The following SEC23A variants were observed in gnomAD, a reference collection of about 807,000 sequenced individuals.
The protein encoded by SEC23A is SEC23 homolog A, COPII component.
In SEC23A, 56 loss-of-function variants were observed where a neutral mutation model predicts 103.7. The observed-to-expected ratio is 0.54, with a 90% CI of 0.44 to 0.67. The LOEUF is 0.67. Ranked by LOEUF, SEC23A falls within the 30% of genes least tolerant of loss-of-function variation. The probability of loss-of-function intolerance (pLI) is 0.00; values close to 1 mark genes in which losing one functional copy is unlikely to be tolerated. For synonymous variants in SEC23A, 281 were observed against 293.0 expected (o/e 0.96, Z 0.42); for missense variants, 784 against 936.4 (o/e 0.84, Z 2.12).
chr14:39,092,342 C>G (rs1299260495), intron 4 of SEC23A, among the ~76,000 whole-genome samples, 199 bp downstream of exon 4: 2 of 152,154 alleles, frequency 1.3e-5, no homozygotes, highest in Non-Finnish European at 2.9e-5. Context: ...ACCACCCTAC[C>G]CAGTATCTTG....
chr14:39,061,911 C>T, intron 12 of SEC23A, 40 bp from the exon 13 acceptor site: 1 of 1,283,250 alleles, frequency 7.8e-7, no homozygotes, highest in Non-Finnish European at 1.1e-6. Context: ...GCAAAATTTA[C>T]TATGCTGTTG....
intron 11 of SEC23A, among the ~76,000 whole-genome samples, chr14:39,063,631 T>C (rs1223211991): frequency 1.3e-5 from 2 of 152,160 alleles, no homozygotes; most frequent in East Asian, 1.9e-4. Context: ...ATAATAAAAG[T>C]AAAATTTAAA....
At chr14:39,042,471 C>G (rs1385311356) in intron 17 of SEC23A, among the ~76,000 whole-genome samples, 1 of 152,192 alleles carries the variant, frequency 6.6e-6, no homozygotes, top group African/African-American at 2.4e-5. Context: ...CAAAGGCTGA[C>G]TTTTCCCCCC....
chr14:39,062,426 A>T (rs375607109), intron 12 of SEC23A, among the ~76,000 whole-genome samples: 4 of 152,144 alleles, frequency 2.6e-5, no homozygotes, highest in East Asian at 3.9e-4. Context: ...CAGATCTGAG[A>T]TGTTCAACTT....
At chr14:39,048,564 T>C (rs1885929629) in intron 15 of SEC23A, 88 bp downstream of exon 15, 3 of 833,556 alleles carry the variant, frequency 3.6e-6, no homozygotes, top group Non-Finnish European at 4.1e-6. Context: ...GGAGCCACTA[T>C]ACTTCAGCAT....
intron 8 of SEC23A, 126 bp downstream of exon 8, chr14:39,075,809 G>T: frequency 1.3e-6 from 1 of 769,470 alleles, no homozygotes; most frequent in Non-Finnish European, 2.2e-6. Context: ...CTCCAATTCT[G>T]AATACCAGTT....
chr14:39,067,354 A>G (rs1886705574), intron 9 of SEC23A, 58 bp from the exon 10 acceptor site: 1 of 1,594,574 alleles, frequency 6.3e-7, no homozygotes, highest in African/African-American at 1.3e-5. Context: ...TCCGTGTGTT[A>G]AAATCGTAGA....
intron 1 of SEC23A, among the ~76,000 whole-genome samples, chr14:39,099,164 T>G (rs1036455325): frequency 7.6e-5 from 11 of 144,254 alleles, no homozygotes; most frequent in South Asian, 2.3e-4. Context: ...GTTTTTTTTT[T>G]TTTTTTTTTT....
rs1336229477 is a variant in SEC23A, at chr14:39,074,299, T to C, written c.1103+116A>G. On this transcript the variant is annotated intron_variant, in intron 9 of 19. Coordinates refer to ENST00000307712, the MANE Select transcript of SEC23A (RefSeq NM_006364.4). ...ATATCAAAAACTACTAACAGATGTG[T>C]TGCCTTGAAGTAGTGGGAAGATGAC... 4.0e-6 allele frequency: 3 copies of C among 742,730 alleles called. No homozygotes were observed. In the African/African-American group the frequency reaches 5.2e-5, roughly 13 times the overall value. The allele number at this position is 742,730 out of a possible 1,614,324, so 46.0% of individuals were successfully genotyped here.
Position 39,040,708 on chromosome 14 carries a change from CACAA to C in SEC23A, c.2142+20_2142+23del. 3.1e-6 allele frequency: 5 copies of C among 1,614,110 alleles called. No individual in the cohort carries two copies. Among genetic ancestry groups the C allele is most frequent in the Non-Finnish European group, 1.7e-6 (2 of 1,179,982 alleles). On this transcript the variant is annotated intron_variant, in intron 18 of 19. Coordinates refer to ENST00000307712, the MANE Select transcript of SEC23A (RefSeq NM_006364.4). Reference sequence around the variant, plus strand: ...CTGCAAACCTAACAACAAACAAACACACAAACAAATTAACACTACTTACCTGGCT... The same window carrying C: ...CTGCAAACCTAACAACAAACAAACACACAAATTAACACTACTTACCTGGCT...
intron 2 of SEC23A, among the ~76,000 whole-genome samples, chr14:39,093,979 G>T (rs1887752697): frequency 1.3e-5 from 2 of 151,686 alleles, no homozygotes; most frequent in South Asian, 4.2e-4. Flanking sequence ...TTACATTCTA[G>T]AAAAAACAGA....
At chr14:39,040,510 C>A (rs904152864) in intron 18 of SEC23A, 19 of 586,362 alleles carry the variant, frequency 3.2e-5, no homozygotes, top group Admixed American at 2.0e-4. Flanking sequence ...AGGCTAGAGA[C>A]AGAAGATGAT....
At chr14:39,070,787 G>A (rs1298558208) in intron 9 of SEC23A, among the ~76,000 whole-genome samples, 1 of 152,176 alleles carries the variant, frequency 6.6e-6, no homozygotes, top group African/African-American at 2.4e-5. Flanking sequence ...AGCACTTTGG[G>A]AGGCCATGGC....
intron 15 of SEC23A, 95 bp from the exon 16 acceptor site, chr14:39,045,419 A>T: frequency 1.2e-6 from 1 of 804,152 alleles, no homozygotes; most frequent in South Asian, 1.8e-5. Flanking sequence ...ACTATTAACA[A>T]CATAACAAAA....
chr14:39,070,885 G>T (rs1566498608), intron 9 of SEC23A, among the ~76,000 whole-genome samples: 2 of 152,204 alleles, frequency 1.3e-5, no homozygotes, highest in Admixed American at 1.3e-4. Context: ...AAATTAGCTG[G>T]ACGTAGTGGC....
chr14:39,082,042 C>T (rs922512318), intron 7 of SEC23A, among the ~76,000 whole-genome samples: 6 of 152,054 alleles, frequency 3.9e-5, no homozygotes, highest in Non-Finnish European at 8.8e-5. Flanking sequence ...CCCTGAACAA[C>T]TTACTATACC....
chr14:39,042,833 T>C lies in SEC23A; in HGVS notation c.1939A>G (p.Ile647Val), dbSNP rs1566481424. The part of the protein sequence containing the change: ...LDSSSILADR[I>V]LLMDTFFQIL... ...TGGAAGAATGTGTCCATGAGAAGAA[T>C]ACGATCTGCAAGAATGCTACTGCTA... The change falls in exon 17 of 20, where the codon ATT becomes GTT. Residue 647 changes from isoleucine (I) to valine (V), a missense_variant. By Grantham distance (29) the Ile-to-Val change is conservative. Around this residue, in one of 2 missense-constraint regions of SEC23A, gnomAD observed 101 missense variants for 162.2 expected, o/e 0.62. Coordinates refer to ENST00000307712, the MANE Select transcript of SEC23A (RefSeq NM_006364.4). 2 of 1,612,852 alleles carry C rather than the reference T, an allele frequency of 1.2e-6. No individual in the cohort carries two copies. The highest frequency in any genetic ancestry group is 3.3e-5 in the Admixed American group (2 of 59,986).
At position 39,085,722 on chromosome 14, in the gene SEC23A, ACACAC is replaced by A. The variant is rs1887418838; in HGVS notation, c.828+35_828+39del. The A allele has an allele frequency of 3.9e-6, 6 of 1,536,010 alleles. No individual in the cohort carries two copies. The East Asian group carries it at 1.4e-4, about 35-fold the overall frequency. ...CACACACACACACACACACACACAC[ACACAC>A]ACTTTACATTCCAAAACAAAACCAT... On this transcript the variant is annotated intron_variant, in intron 7 of 19. Transcript: ENST00000307712.
At position 39,094,418 on chromosome 14, in the gene SEC23A, ATATATATATATATATATATATATATTTTT is replaced by A. The variant is rs1353302608; in HGVS notation, c.222-1203_222-1175del. On this transcript the variant is annotated intron_variant, in intron 2 of 19. Transcript: ENST00000307712. ...CACACATATATATATATATATATATATATATATATATATATATATATATATTTTTTTTTTTTTTTTTTCCCCTCCTGTAG... is the reference window on the plus strand; with the variant it reads ...CACACATATATATATATATATATATATTTTTTTTTTTTTCCCCTCCTGTAG... Among the ~76,000 whole-genome samples the A allele has an allele frequency of 1.7e-4, 10 of 59,272 alleles. 2 individuals carry two copies. Among genetic ancestry groups the A allele is most frequent in the African/African-American group, 1.3e-3 (9 of 6,976 alleles). The allele number at this position is 59,272 out of a possible 152,430, so 38.9% of individuals were successfully genotyped here.
Sources: gnomAD v4.1 joint callset for allele counts (sites outside exome capture counted in the v4.1 genomes callset) on GRCh38, gnomAD v4.1.1 for gene constraint, gnomAD v4.1.1 regional missense constraint, MANE v1.5 for transcripts, NCBI Gene and HGNC (gene_info 2026-07-23, HGNC 2026-07-21) for gene names.